Variants in ARHGEF3 observed in about 807,000 individuals in gnomAD.
ARHGEF3 encodes Rho guanine nucleotide exchange factor 3, also known as 59.8 kDA protein.
A neutral mutation model predicts 63.2 loss-of-function variants in ARHGEF3; 28 were observed. The observed-to-expected ratio is 0.44, with a 90% confidence interval of 0.33 to 0.61. ARHGEF3 has a LOEUF of 0.61. ARHGEF3 is among the 20% of genes least tolerant of loss of function. ARHGEF3 has a pLI of 0.03. For missense variants in ARHGEF3, 533 were observed against 659.3 expected (o/e 0.81, Z 2.10); for synonymous variants, 266 against 254.2 (o/e 1.05, Z -0.44).
chr3:56,754,548 CAG>C (rs928700908), intron 3 of ARHGEF3, among the ~76,000 whole-genome samples: 2 of 152,168 alleles, frequency 1.3e-5, no homozygotes, highest in Non-Finnish European at 2.9e-5. Flanking sequence ...GTAATATTAT[CAG>C]AGTCATTTAG....
chr3:56,972,810 G>A (rs1340539932), intron 2 of ARHGEF3, among the ~76,000 whole-genome samples: 5 of 152,010 alleles, frequency 3.3e-5, no homozygotes, highest in Non-Finnish European at 1.5e-5. Flanking sequence ...GGAGGCCACT[G>A]GAGGATTCCG....
chr3:56,947,745 G>C (rs1375390185), intron 3 of ARHGEF3, among the ~76,000 whole-genome samples: 2 of 152,014 alleles, frequency 1.3e-5, no homozygotes, highest in Non-Finnish European at 2.9e-5. Context: ...CAAGGATATT[G>C]AGGAATTGAA....
intron 3 of ARHGEF3, among the ~76,000 whole-genome samples, chr3:56,910,532 T>A (rs1388963341): frequency 1.1e-4 from 17 of 152,214 alleles, no homozygotes; most frequent in Admixed American, 1.1e-3. Context: ...ATATTTATTA[T>A]AATATGTTTT....
intron 3 of ARHGEF3, among the ~76,000 whole-genome samples, chr3:56,953,917 C>T (rs992195152): frequency 1.3e-5 from 2 of 152,198 alleles, no homozygotes; most frequent in African/African-American, 2.4e-5. Context: ...ACATAAGCAA[C>T]CAATTCCCTT....
intron 2 of ARHGEF3, chr3:56,977,523 C>T (rs1701171352): frequency 5.9e-6 from 2 of 339,858 alleles, no homozygotes; most frequent in South Asian, 4.7e-5. Context: ...TTTTACCTGC[C>T]CCCAACTTGC....
intron 4 of ARHGEF3, among the ~76,000 whole-genome samples, chr3:56,836,008 CATGAGT>C (rs2039095702): frequency 6.6e-6 from 1 of 152,230 alleles, no homozygotes; most frequent in Non-Finnish European, 1.5e-5. Context: ...TGGTGTTTAG[CATGAGT>C]ATTTCTGTGG....
At chr3:56,890,377 G>A (rs1473852224) in intron 3 of ARHGEF3, among the ~76,000 whole-genome samples, 2 of 152,188 alleles carry the variant, frequency 1.3e-5, no homozygotes, top group Admixed American at 6.5e-5. Flanking sequence ...GTTATTTCAA[G>A]TATTAAAAGA....
chr3:56,904,788 GA>G (rs975618975), intron 3 of ARHGEF3, among the ~76,000 whole-genome samples: 4 of 152,088 alleles, frequency 2.6e-5, no homozygotes, highest in African/African-American at 9.7e-5. Flanking sequence ...CACACTTTGA[GA>G]ACCACTCTTT....
intron 2 of ARHGEF3, among the ~76,000 whole-genome samples, chr3:57,010,684 C>G (rs1378039320): frequency 1.3e-5 from 2 of 152,160 alleles, no homozygotes; most frequent in Non-Finnish European, 2.9e-5. Context: ...TGTTCACAGT[C>G]AAAGTGTCTG....
At chr3:56,994,772 ATGAC>A (rs143667852) in intron 2 of ARHGEF3, among the ~76,000 whole-genome samples, 3,707 of 152,274 alleles carry the variant, frequency 0.024, 143 homozygotes, top group African/African-American at 0.085. Context: ...GGCAGGAATG[ATGAC>A]TGACTGATAT....
At chr3:56,866,208 G>C (rs567913706) in intron 4 of ARHGEF3, among the ~76,000 whole-genome samples, 1 of 152,136 alleles carries the variant, frequency 6.6e-6, no homozygotes, top group East Asian at 1.9e-4. Flanking sequence ...TTCTTTATTA[G>C]CATGATTAAG....
At chr3:56,925,456 C>T (rs1045730277) in intron 3 of ARHGEF3, among the ~76,000 whole-genome samples, 1 of 152,118 alleles carries the variant, frequency 6.6e-6, no homozygotes, top group African/African-American at 2.4e-5. Context: ...ATGCCTTATA[C>T]CCCACCATCG....
intron 2 of ARHGEF3, among the ~76,000 whole-genome samples, chr3:56,762,529 G>A (rs539776135): frequency 6.6e-6 from 1 of 152,264 alleles, no homozygotes; most frequent in South Asian, 2.1e-4. Context: ...CGTGTCAGAG[G>A]AAATGTAAAC....
At chr3:56,934,343 T>G (rs2042492107) in intron 3 of ARHGEF3, among the ~76,000 whole-genome samples, 2 of 152,242 alleles carry the variant, frequency 1.3e-5, no homozygotes, top group Admixed American at 6.5e-5. Context: ...GCACCTCCTC[T>G]GCCTGGGCTC....
intron 1 of ARHGEF3, among the ~76,000 whole-genome samples, chr3:57,064,330 T>C (rs1705406530): frequency 6.6e-6 from 1 of 152,034 alleles, no homozygotes; most frequent in Non-Finnish European, 1.5e-5. Flanking sequence ...TTTCTTTTTT[T>C]TTCTTTTTTT....
intron 2 of ARHGEF3, among the ~76,000 whole-genome samples, chr3:57,012,919 C>T (rs903599740): frequency 8.5e-5 from 13 of 152,230 alleles, no homozygotes; most frequent in Admixed American, 3.9e-4. Flanking sequence ...TGCGCACGGG[C>T]TCGCAGGCCA....
chr3:57,040,834 G>A (rs146478045), intron 1 of ARHGEF3, among the ~76,000 whole-genome samples: 93 of 151,926 alleles, frequency 6.1e-4, no homozygotes, highest in East Asian at 6.0e-3. Flanking sequence ...CCTGCCAACC[G>A]CTGCCCACCA....
chr3:56,815,995 C>G (rs920470876), intron 4 of ARHGEF3, among the ~76,000 whole-genome samples: 5 of 152,140 alleles, frequency 3.3e-5, no homozygotes. Flanking sequence ...AAGAGGATCA[C>G]TTGAGGCCAG....
rs116716623 is a variant in ARHGEF3, at chr3:56,962,638, G to A, written c.63-3749C>T. On this transcript the variant is annotated intron_variant, in intron 2 of 12. Transcript: ENST00000338458. ...GAGAGAAACTTCCAAGATTGTTGGA[G>A]GGGTTGGAGTTGGGGGGCTGCTATT... 4.3e-3 allele frequency among the ~76,000 whole-genome samples: 658 copies of A among 152,332 alleles called. 6 individuals carry two copies. The highest frequency in any genetic ancestry group is 0.015 in the African/African-American group (628 of 41,576).
Sources: gnomAD v4.1 joint callset for allele counts (sites outside exome capture counted in the v4.1 genomes callset) on GRCh38, gnomAD v4.1.1 for gene constraint, MANE v1.5 for transcripts, NCBI Gene and HGNC (gene_info 2026-07-23, HGNC 2026-07-21) for gene names.